The following FHIT variants were observed in gnomAD, a reference collection of about 807,000 sequenced individuals.
FHIT encodes bis(5'-adenosyl)-triphosphatase.
In FHIT, 19 loss-of-function variants were observed where a neutral mutation model predicts 17.9. The observed-to-expected ratio is 1.06, with a 90% CI of 0.74 to 1.56. FHIT has a LOEUF of 1.56. FHIT is among the 40% of genes most tolerant of loss of function. FHIT has a pLI of 0.00. For missense variants in FHIT, 248 were observed against 189.2 expected (o/e 1.31, Z -1.82); for synonymous variants, 81 against 69.7 (o/e 1.16, Z -0.81).
At chr3:60,382,793 G>C (rs1177491147) in intron 5 of FHIT, among the ~76,000 whole-genome samples, 3 of 152,096 alleles carry the variant, frequency 2.0e-5, no homozygotes, top group Non-Finnish European at 2.9e-5. Flanking sequence ...GCAGCATCTG[G>C]TCTAGTCTGA....
chr3:61,180,808 A>T (rs934624910), intron 2 of FHIT, among the ~76,000 whole-genome samples: 4 of 152,240 alleles, frequency 2.6e-5, no homozygotes, highest in Non-Finnish European at 5.9e-5. Flanking sequence ...GTATATGCCC[A>T]GCACCTAGCC....
At chr3:60,278,403 T>A (rs998312210) in intron 5 of FHIT, among the ~76,000 whole-genome samples, 6 of 152,112 alleles carry the variant, frequency 3.9e-5, no homozygotes, top group Admixed American at 2.6e-4. Flanking sequence ...CTGTCTAATG[T>A]CAGGGGACGA....
chr3:61,180,989 C>T (rs2038323830), intron 2 of FHIT, among the ~76,000 whole-genome samples: 1 of 152,034 alleles, frequency 6.6e-6, no homozygotes, highest in Admixed American at 6.6e-5. Flanking sequence ...ATCTCCGTTG[C>T]TTTTTCGACT....
At chr3:60,907,744 G>A (rs552157815) in intron 3 of FHIT, among the ~76,000 whole-genome samples, 3 of 152,250 alleles carry the variant, frequency 2.0e-5, no homozygotes, top group East Asian at 3.9e-4. Context: ...CCTCAAGGGG[G>A]AAGAGTAATT....
chr3:60,633,956 T>A (rs1162551146), intron 4 of FHIT, among the ~76,000 whole-genome samples: 1 of 152,248 alleles, frequency 6.6e-6, no homozygotes, highest in Non-Finnish European at 1.5e-5. Flanking sequence ...ATATGATTTC[T>A]TCATGTTTCA....
rs900245870 is a variant in FHIT at position 60,276,563 on chromosome 3, T to C, written c.103+260297A>G. Among the ~76,000 whole-genome samples the C allele has an allele frequency of 2.0e-5, 3 of 152,204 alleles. No homozygotes were observed. In the East Asian group the frequency reaches 5.8e-4, roughly 29 times the overall value. On this transcript the variant is annotated intron_variant, in intron 5 of 9. Coordinates refer to ENST00000492590, the MANE Select transcript of FHIT (RefSeq NM_002012.4). The stretch of plus-strand genomic sequence containing the variant: ...TGTCACGAGCGAACAAGGTGAATCA[T>C]AAAAATATTTTTTAAACTTCTGTTT...
chr3:60,044,825 T>C (rs1017844374), intron 5 of FHIT, among the ~76,000 whole-genome samples: 2 of 152,088 alleles, frequency 1.3e-5, no homozygotes, highest in African/African-American at 4.8e-5. Context: ...ATTAAGGCAG[T>C]GCAAGAAACC....
intron 5 of FHIT, among the ~76,000 whole-genome samples, chr3:60,255,183 G>C (rs1705925344): frequency 6.6e-6 from 1 of 152,128 alleles, no homozygotes; most frequent in Non-Finnish European, 1.5e-5. Context: ...TAAAGTTAAT[G>C]CATTTAATAG....
At chr3:59,763,905 G>A (rs557573179) in intron 8 of FHIT, among the ~76,000 whole-genome samples, 5 of 152,200 alleles carry the variant, frequency 3.3e-5, no homozygotes, top group Admixed American at 3.3e-4. Context: ...GGAGGCGAAA[G>A]GGCTAGAAGA....
intron 5 of FHIT, among the ~76,000 whole-genome samples, chr3:60,130,942 T>TAC (rs1375738645): frequency 7.4e-6 from 1 of 135,272 alleles, no homozygotes; most frequent in Non-Finnish European, 1.7e-5. Flanking sequence ...TTTATATATA[T>TAC]ACATATGTGA....
chr3:60,379,724 G>A (rs1183467865), intron 5 of FHIT, among the ~76,000 whole-genome samples: 4 of 152,090 alleles, frequency 2.6e-5, no homozygotes, highest in Admixed American at 6.6e-5. Context: ...CATCTGTTAA[G>A]TTTTAGAGAT....
At chr3:61,183,886 G>A (rs1179127402) in intron 2 of FHIT, among the ~76,000 whole-genome samples, 1 of 151,860 alleles carries the variant, frequency 6.6e-6, no homozygotes, top group East Asian at 1.9e-4. Context: ...AAGCATCATG[G>A]GCAACTGTTG....
intron 3 of FHIT, among the ~76,000 whole-genome samples, chr3:60,851,888 T>A (rs535324959): frequency 6.6e-6 from 1 of 152,226 alleles, no homozygotes; most frequent in South Asian, 2.1e-4. Flanking sequence ...GTAGCCTTGA[T>A]ATAAATCCTG....
At chr3:60,926,582 T>C (rs57416400) in intron 3 of FHIT, among the ~76,000 whole-genome samples, 5,594 of 152,260 alleles carry the variant, frequency 0.037, 338 homozygotes, top group African/African-American at 0.13. Context: ...TTTATAGCAC[T>C]AAATGCCCAC....
At chr3:59,851,055 G>T (rs923862820) in intron 8 of FHIT, among the ~76,000 whole-genome samples, 1 of 152,142 alleles carries the variant, frequency 6.6e-6, no homozygotes, top group Admixed American at 6.5e-5. Context: ...TTTGGATTTG[G>T]ACACTGATGA....
At chr3:60,750,332 C>T (rs782322456) in intron 4 of FHIT, among the ~76,000 whole-genome samples, 22 of 152,112 alleles carry the variant, frequency 1.4e-4, no homozygotes, top group Non-Finnish European at 2.9e-4. Flanking sequence ...TCAGGAGGGC[C>T]TCAAATGACC....
intron 5 of FHIT, among the ~76,000 whole-genome samples, chr3:60,093,483 C>T: frequency 2.0e-5 from 3 of 152,290 alleles, no homozygotes; most frequent in East Asian, 3.9e-4. Flanking sequence ...ATTCCATCTG[C>T]AACCTTAATT....
rs532190601 is a variant in FHIT at position 60,392,314 on chromosome 3, T to C, written c.103+144546A>G. On this transcript the variant is annotated intron_variant, in intron 5 of 9. Transcript: ENST00000492590. ...GATGGAAGAATGGTAAAGTCGCTGA[T>C]GCTTTACAAGAAGCTTATGGGGGCA... is the stretch of plus-strand genomic sequence containing the variant. Among the ~76,000 whole-genome samples the C allele has an allele frequency of 2.4e-4, 37 of 152,340 alleles. 1 individual carries two copies. In the South Asian group the frequency reaches 7.2e-3, roughly 30 times the overall value.
chr3:61,234,890 A>G (rs570349960), intron 1 of FHIT, among the ~76,000 whole-genome samples: 5 of 152,374 alleles, frequency 3.3e-5, no homozygotes, highest in African/African-American at 1.2e-4. Context: ...ACAGAAAATG[A>G]TAAAGAAATT....
Sources: allele counts gnomAD v4.1 joint callset (sites outside exome capture counted in the v4.1 genomes callset), GRCh38; gene constraint gnomAD v4.1.1; transcripts MANE v1.5; gene names NCBI Gene and HGNC (gene_info 2026-07-23, HGNC 2026-07-21).